The following C11orf65 variants were observed in gnomAD, a reference collection of about 807,000 sequenced individuals.
C11orf65 encodes protein MFI.
In C11orf65, 38 loss-of-function variants were observed where a neutral mutation model predicts 35.3. That is an observed-to-expected ratio of 1.08 (90% confidence interval 0.83 to 1.41). The LOEUF (loss-of-function observed/expected upper bound fraction) is 1.41. C11orf65 is among the 40% of genes most tolerant of loss of function. The probability of loss-of-function intolerance (pLI) is 0.00; values close to 1 mark genes in which losing one functional copy is unlikely to be tolerated. For missense variants in C11orf65, 370 were observed against 367.1 expected (o/e 1.01, Z -0.06); for synonymous variants, 105 against 114.4 (o/e 0.92, Z 0.53).
chr11:108,356,396 C>T (rs780445469), intron 2 of C11orf65, among the ~76,000 whole-genome samples: 30 of 152,020 alleles, frequency 2.0e-4, no homozygotes, highest in Non-Finnish European at 4.0e-4. Flanking sequence ...ATTAGCTGGG[C>T]GTGATGGCGG....
At chr11:108,454,063 G>A (rs1437291843) in intron 2 of C11orf65, among the ~76,000 whole-genome samples, 5 of 152,230 alleles carry the variant, frequency 3.3e-5, no homozygotes, top group South Asian at 2.1e-4. Flanking sequence ...TTTCTTTGAC[G>A]GGAGGTTTTT....
intron 2 of C11orf65, among the ~76,000 whole-genome samples, chr11:108,348,787 G>GA (rs561143761): frequency 3.9e-4 from 59 of 152,018 alleles, no homozygotes; most frequent in African/African-American, 1.2e-3. Flanking sequence ...AAACAAAGAA[G>GA]AAAACCCTGT....
At chr11:108,377,341 A>T (rs1702679206) in intron 2 of C11orf65, among the ~76,000 whole-genome samples, 1 of 152,222 alleles carries the variant, frequency 6.6e-6, no homozygotes, top group African/African-American at 2.4e-5. Flanking sequence ...CAAATCAATA[A>T]ATGTAATCCA....
At chr11:108,382,681 G>A (rs949669499), downstream of C11orf65, 2 of 666,892 alleles carry the variant, frequency 3.0e-6, no homozygotes, top group African/African-American at 4.0e-5. Context: ...GGGATAAAGG[G>A]ACCGAGAGCT....
rs2083895280 is a variant in C11orf65, at chr11:108,308,841, G to A, written c.*130C>T. Reference sequence around the variant, plus strand: ...ATGCTTTTCAGTGTCTTTGCTTCTGGTTATTTTACCTTAGAGTTTTATACC... The same window carrying A: ...ATGCTTTTCAGTGTCTTTGCTTCTGATTATTTTACCTTAGAGTTTTATACC... On this transcript the variant is annotated 3_prime_UTR_variant, in exon 7 of 7. Transcript: ENST00000525729. The A allele has an allele frequency of 6.9e-6, 4 of 582,816 alleles. No individual in the cohort carries two copies. In the South Asian group the frequency reaches 7.0e-5, roughly 10 times the overall value. 36.1% of individuals were successfully genotyped at this position (582,816 alleles called of 1,614,324 possible). A position where few individuals can be genotyped will look rare whatever the true frequency, so the allele number is the denominator to read the frequency against.
chr11:108,422,631 C>T (rs994207644), intron 3 of C11orf65, among the ~76,000 whole-genome samples: 1 of 152,126 alleles, frequency 6.6e-6, no homozygotes, highest in Non-Finnish European at 1.5e-5. Context: ...CACCTGTAAT[C>T]CCAGCACTTT....
chr11:108,398,321 G>A (rs2092366432), intron 6 of C11orf65, among the ~76,000 whole-genome samples: 1 of 152,194 alleles, frequency 6.6e-6, no homozygotes, highest in Admixed American at 6.5e-5. Context: ...CTTGATGACA[G>A]ATTACATGTA....
intron 6 of C11orf65, among the ~76,000 whole-genome samples, chr11:108,403,418 TTG>T (rs1491375308): frequency 0.016 from 2,280 of 141,978 alleles, 102 homozygotes; most frequent in African/African-American, 0.055. Flanking sequence ...GGTTTTTTTT[TTG>T]TTTTTTTTTT....
chr11:108,408,627 G>A (rs948923960), intron 3 of C11orf65, among the ~76,000 whole-genome samples: 3 of 143,616 alleles, frequency 2.1e-5, no homozygotes, highest in Middle Eastern at 3.5e-3. Flanking sequence ...AGTGAGCAGA[G>A]ATTGCACCAC....
intron 3 of C11orf65, among the ~76,000 whole-genome samples, chr11:108,429,188 C>T (rs945162650): frequency 2.6e-5 from 4 of 151,932 alleles, no homozygotes; most frequent in African/African-American, 9.7e-5. Flanking sequence ...ATTAAAAAGG[C>T]ACCAACCACA....
intron 2 of C11orf65, among the ~76,000 whole-genome samples, chr11:108,459,769 A>ACACACACACACACACACACACC (rs981643793): frequency 7.3e-6 from 1 of 137,546 alleles, no homozygotes. Flanking sequence ...ACACACACAC[A>ACACACACACACACACACACACC]CCTCTTTATT....
chr11:108,335,827 T>C lies in C11orf65; in HGVS notation c.227-535A>G, dbSNP rs1591197705. ...AAAATAAACTGTACTTGTTTATTCA[T>C]GCTTAATTATTCTGAAGGGCCGTGA... On this transcript the variant is annotated intron_variant, in intron 2 of 3. Coordinates refer to the C11orf65 transcript ENST00000524755. 4 of 1,593,202 alleles carry C rather than the reference T, an allele frequency of 2.5e-6. No homozygotes were observed. Among genetic ancestry groups the C allele is most frequent in the Non-Finnish European group, 3.4e-6 (4 of 1,161,348 alleles).
intron 1 of C11orf65, among the ~76,000 whole-genome samples, chr11:108,462,184 C>T (rs1034680352): frequency 1.3e-5 from 2 of 152,144 alleles, no homozygotes; most frequent in African/African-American, 2.4e-5. Context: ...GCTGGGACTA[C>T]AGGCACATGC....
intron 2 of C11orf65, among the ~76,000 whole-genome samples, chr11:108,361,444 C>G (rs1452696338): frequency 1.4e-4 from 21 of 151,950 alleles, no homozygotes; most frequent in Non-Finnish European, 2.9e-5. Flanking sequence ...TTGGAAAAAA[C>G]TACTTTAAAG....
intron 2 of C11orf65, among the ~76,000 whole-genome samples, chr11:108,437,392 T>C (rs1475896549): frequency 6.6e-6 from 1 of 152,124 alleles, no homozygotes; most frequent in Non-Finnish European, 1.5e-5. Flanking sequence ...TGGAAATGGT[T>C]TGTATCTGGA....
intron 2 of C11orf65, among the ~76,000 whole-genome samples, chr11:108,453,815 T>C (rs1408589105): frequency 6.6e-6 from 1 of 152,232 alleles, no homozygotes; most frequent in African/African-American, 2.4e-5. Context: ...AGTATTTGGT[T>C]GAAGATCCTA....
At chr11:108,336,036 C>A in intron 2 of C11orf65, 1 of 1,141,194 alleles carries the variant, frequency 8.8e-7, no homozygotes, top group Non-Finnish European at 1.3e-6. Context: ...GTGGCTCATG[C>A]CCATATTCAT....
At chr11:108,334,379 GTAT>G (rs1387527026) in intron 3 of C11orf65, among the ~76,000 whole-genome samples, 2 of 152,070 alleles carry the variant, frequency 1.3e-5, no homozygotes, top group South Asian at 2.1e-4. Context: ...AATATAGTAT[GTAT>G]TATTATAATA....
chr11:108,462,657 T>C (rs945046970), intron 1 of C11orf65: 2 of 151,998 alleles, frequency 1.3e-5, no homozygotes, highest in East Asian at 3.8e-4. Flanking sequence ...TGGTCAAATA[T>C]AAAAGGAAAA....
Sources: allele counts gnomAD v4.1 joint callset (sites outside exome capture counted in the v4.1 genomes callset), GRCh38; gene constraint gnomAD v4.1.1; transcripts MANE v1.5; gene names NCBI Gene and HGNC (gene_info 2026-07-23, HGNC 2026-07-21).